DNAH1: variants seen among roughly 807,000 people sequenced by gnomAD.
The protein encoded by DNAH1 is axonemal beta dynein heavy chain 1.
Under a neutral mutation model 484.3 loss-of-function variants are expected in DNAH1, and 327 were observed. That is an observed-to-expected ratio of 0.68 (90% CI 0.62 to 0.74). The LOEUF is 0.74. Among genes scored for constraint, DNAH1 ranks in the 30% least tolerant of loss-of-function variants. The pLI is 0.00. For missense variants in DNAH1, 5,052 were observed against 5,546.8 expected, an observed-to-expected ratio of 0.91 and a Z score of 2.83; for synonymous variants, 2,192 against 2,191.9, an observed-to-expected ratio of 1.00 and a Z score of 0.00.
intron 8 of DNAH1, among the ~76,000 whole-genome samples, chr3:52,341,590 G>C (rs1372132808): frequency 6.8e-6 from 1 of 146,286 alleles, no homozygotes; most frequent in East Asian, 2.0e-4. Flanking sequence ...AGGCTAGAGT[G>C]CAGTGGAGCA....
chr3:52,374,374 T>C (rs1703490878), intron 44 of DNAH1: 3 of 1,436,374 alleles, frequency 2.1e-6, no homozygotes, highest in African/African-American at 2.8e-5. Flanking sequence ...TACTGTGGAG[T>C]GCAGTTTTTA....
Position 52,370,124 on chromosome 3 carries a change from C to T in DNAH1, c.6153C>T (p.Phe2051=), listed in dbSNP as rs781354199. The T allele has an allele frequency of 4.2e-5, 68 of 1,613,880 alleles. No individual in the cohort carries two copies. The highest frequency in any genetic ancestry group is 3.1e-5 in the Non-Finnish European group (37 of 1,179,886). Residue 2051 remains phenylalanine, a synonymous_variant, in exon 39 of 78, where the codon TTC becomes TTT. Transcript: ENST00000420323. ...ACTCCCTGCAGGAATCCATCTCCTT[C>T]GTTCGGTCCTCAGTGAAGGAGGTGA... is the stretch of plus-strand genomic sequence containing the variant. ...FVSFLEESIS[F]VRSSVKEVIA...
intron 8 of DNAH1, among the ~76,000 whole-genome samples, chr3:52,337,570 A>C (rs552517235): frequency 3.9e-5 from 6 of 152,318 alleles, no homozygotes; most frequent in African/African-American, 1.4e-4. Flanking sequence ...GTTTGACCTC[A>C]ACTCAGTCAT....
intron 32 of DNAH1, among the ~76,000 whole-genome samples, chr3:52,363,380 G>A (rs1702944038): frequency 6.6e-6 from 1 of 152,260 alleles, no homozygotes; most frequent in Non-Finnish European, 1.5e-5. Context: ...CAGCGCTGGA[G>A]CAGGAGCCAG....
rs763418556 is a variant in DNAH1 at position 52,395,588 on chromosome 3, G to A, written c.11169G>A (p.Arg3723=). ...AEAMMRSSIE[R]GKWVFFQNCH... ...CCATGATGCGCAGCTCCATAGAGAGGGGCAAATGGGTCTTCTTCCAGAACT... is the reference window on the plus strand; with the variant it reads ...CCATGATGCGCAGCTCCATAGAGAGAGGCAAATGGGTCTTCTTCCAGAACT... The change falls in exon 70 of 78, where the codon AGG becomes AGA. Residue 3723 remains arginine, a synonymous_variant. Coordinates refer to ENST00000420323, the MANE Select transcript of DNAH1 (RefSeq NM_015512.5). This position sits in a 1 kb window ranked among gnomAD's most constrained non-coding sequence, Gnocchi z 4.4. 3.7e-6 allele frequency: 6 copies of A among 1,613,708 alleles called. No homozygotes were observed. Among genetic ancestry groups the A allele is most frequent in the South Asian group, 1.1e-5 (1 of 91,090 alleles).
Position 52,348,909 on chromosome 3 carries a change from A to G in DNAH1, c.2128A>G (p.Ile710Val). 6.2e-7 allele frequency: 1 copy of G among 1,613,060 alleles called. No homozygotes were observed. The highest frequency in any genetic ancestry group is 1.7e-5 in the Admixed American group (1 of 60,002). ...LEKLVMEDIFISGDPLLESVG... is the reference protein window; with the variant it reads ...LEKLVMEDIFVSGDPLLESVG... ...GCAGCTGGTGATGGAGGACATCTTCATCAGCGGTGACCCCCTGCTGGAGTC... is the reference window on the plus strand; with the variant it reads ...GCAGCTGGTGATGGAGGACATCTTCGTCAGCGGTGACCCCCTGCTGGAGTC... The change falls in exon 13 of 78, where the codon ATC becomes GTC. Residue 710 changes from isoleucine (I) to valine (V), a missense_variant. Around this residue, in one of 4 missense-constraint regions of DNAH1, gnomAD observed 1,263 missense variants for 1,218.8 expected, o/e 1.04. Coordinates refer to ENST00000420323, the MANE Select transcript of DNAH1 (RefSeq NM_015512.5).
At chr3:52,392,753 C>G in intron 64 of DNAH1, 64 bp downstream of exon 64, 1 of 1,562,096 alleles carries the variant, frequency 6.4e-7, no homozygotes, top group Admixed American at 1.8e-5. Flanking sequence ...CCACCTCTCC[C>G]TGCCTGCCCT....
chr3:52,389,353 A>G (rs1484407565), intron 59 of DNAH1, 108 bp from the exon 60 acceptor site: 1 of 1,501,378 alleles, frequency 6.7e-7, no homozygotes, highest in Non-Finnish European at 9.1e-7. Flanking sequence ...ATCTGGCTCC[A>G]TGTCTGAGCT....
Position 52,368,667 on chromosome 3 carries a change from C to A in DNAH1, c.5766-74C>A. On this transcript the variant is annotated intron_variant, in intron 36 of 77. Coordinates refer to ENST00000420323, the MANE Select transcript of DNAH1 (RefSeq NM_015512.5). The surrounding 1 kb of genome is among the most constrained non-coding windows in gnomAD (Gnocchi z 4.4). ...AGAGCCCGCCCACCCGGCGGCCAGG[C>A]TTCCCTGGGAGCCAGCTGTGCTCGA... 2.6e-6 allele frequency: 4 copies of A among 1,521,002 alleles called. No individual in the cohort carries two copies. In the East Asian group the frequency reaches 9.2e-5, roughly 35 times the overall value. The allele number at this position is 1,521,002 out of a possible 1,614,324, so 94.2% of individuals were successfully genotyped here.
At chr3:52,369,205 C>G (rs893358207) in intron 37 of DNAH1, among the ~76,000 whole-genome samples, 1 of 152,188 alleles carries the variant, frequency 6.6e-6, no homozygotes, top group African/African-American at 2.4e-5. Flanking sequence ...GGATGCCTGT[C>G]CCACTGCTCC....
intron 73 of DNAH1, 116 bp from the exon 74 acceptor site, chr3:52,397,591 G>A (rs1415399938): frequency 4.1e-6 from 4 of 971,820 alleles, no homozygotes; most frequent in Non-Finnish European, 6.0e-6. Context: ...TAAGGGTTAT[G>A]AGCAGGAGTG....
In DNAH1 at chr3:52,361,803, G is replaced by A. The variant is rs551198255; in HGVS notation, c.4980+37G>A. The stretch of plus-strand genomic sequence containing the variant: ...GGACCCACCTTACTCCCTCAGATCT[G>A]CCATACTCACGCCGCCATACTGCTC... On this transcript the variant is annotated intron_variant, in intron 30 of 77. Transcript: ENST00000420323. This position sits in a 1 kb window ranked among gnomAD's most constrained non-coding sequence, Gnocchi z 5.6. 679 of 1,560,312 alleles carry A rather than the reference G, an allele frequency of 4.4e-4. 10 individuals are homozygous for A. Among genetic ancestry groups the A allele is most frequent in the Non-Finnish European group, 1.5e-5 (17 of 1,151,528 alleles).
chr3:52,374,233 G>A (rs1703484763), intron 44 of DNAH1: 1 of 1,425,926 alleles, frequency 7.0e-7, no homozygotes, highest in Non-Finnish European at 9.9e-7. Context: ...CAGAGTTACT[G>A]GAAATATTGG....
At chr3:52,349,715 G>A (rs1406778549) in intron 14 of DNAH1, among the ~76,000 whole-genome samples, 1 of 152,226 alleles carries the variant, frequency 6.6e-6, no homozygotes, top group Non-Finnish European at 1.5e-5. Flanking sequence ...GGAGCTAGGG[G>A]ATTCGAGTGC....
At chr3:52,317,025 T>C (rs781219109) in intron 1 of DNAH1, among the ~76,000 whole-genome samples, 39 of 152,258 alleles carry the variant, frequency 2.6e-4, no homozygotes, top group African/African-American at 7.2e-5. Context: ...TCAGATTCCC[T>C]AATTGTTATA....
chr3:52,387,538 CT>C (rs1704160721), intron 56 of DNAH1, among the ~76,000 whole-genome samples: 1 of 152,202 alleles, frequency 6.6e-6, no homozygotes, highest in African/African-American at 2.4e-5. Context: ...ATCTGGACCC[CT>C]TATGGGCTAC....
At chr3:52,349,174 C>T (rs1218486365) in intron 13 of DNAH1, 21 bp from the exon 14 acceptor site, 1 of 1,612,452 alleles carries the variant, frequency 6.2e-7, no homozygotes, top group Non-Finnish European at 8.5e-7. Flanking sequence ...CTGCCCCCTC[C>T]CGTGTGCTTG....
At chr3:52,329,950 A>G (rs1701482343) in intron 6 of DNAH1, among the ~76,000 whole-genome samples, 1 of 152,160 alleles carries the variant, frequency 6.6e-6, no homozygotes, top group Admixed American at 6.5e-5. Context: ...CTGGGACTTC[A>G]GGCACACATC....
Position 52,399,790 on chromosome 3 carries a change from T to C in DNAH1, c.12676+11T>C. 6.2e-7 allele frequency: 1 copy of C among 1,612,448 alleles called. No homozygotes were observed. Among genetic ancestry groups the C allele is most frequent in the Non-Finnish European group, 8.5e-7 (1 of 1,178,996 alleles). Reference sequence around the variant, plus strand: ...CACTGACTCGTGCTGGTATGAGGCCTGGGATGGGAGCCTACACTATGGGCG... The same window carrying C: ...CACTGACTCGTGCTGGTATGAGGCCCGGGATGGGAGCCTACACTATGGGCG... On this transcript the variant is annotated intron_variant, in intron 77 of 77. Coordinates refer to ENST00000420323, the MANE Select transcript of DNAH1 (RefSeq NM_015512.5).
Sources: allele counts gnomAD v4.1 joint callset (sites outside exome capture counted in the v4.1 genomes callset), GRCh38; gene constraint gnomAD v4.1.1; regional missense constraint gnomAD v4.1.1; non-coding constraint Gnocchi (gnomAD v3.1); transcripts MANE v1.5; gene names NCBI Gene and HGNC (gene_info 2026-07-23, HGNC 2026-07-21).